The following C10orf67 variants were observed in gnomAD, a reference collection of about 807,000 sequenced individuals.
The protein encoded by C10orf67 is uncharacterized protein C10orf67, mitochondrial.
In C10orf67, 60 loss-of-function variants were observed where a neutral mutation model predicts 35.6. The ratio of observed to expected loss-of-function variants is 1.68; its 90% CI spans 1.37 to 2.09. The LOEUF (loss-of-function observed/expected upper bound fraction) is 2.09, where lower values mean the gene tolerates loss of function less well. Among genes scored for constraint, C10orf67 ranks in the 30% most tolerant of loss-of-function variants. The pLI, the probability that C10orf67 is intolerant of heterozygous loss-of-function variation, is 0.00. For missense variants in C10orf67, 474 were observed against 330.2 expected (o/e 1.44, Z -3.38); for synonymous variants, 167 against 115.8 (o/e 1.44, Z -2.84).
At chr10:23,296,174 T>C (rs1843873994) in intron 5 of C10orf67, among the ~76,000 whole-genome samples, 2 of 151,976 alleles carry the variant, frequency 1.3e-5, no homozygotes, top group South Asian at 2.1e-4. Flanking sequence ...GATATTTCTA[T>C]GTGTACTTTT....
rs569361321 is a variant in C10orf67 at position 23,223,527 on chromosome 10, A to C, written c.1570+71T>G. 1.6e-5 allele frequency: 11 copies of C among 708,696 alleles called. No individual in the cohort carries two copies. In the East Asian group the frequency reaches 2.1e-4, roughly 14 times the overall value. 43.9% of individuals were successfully genotyped at this position (708,696 alleles called of 1,614,324 possible). The stretch of plus-strand genomic sequence containing the variant: ...TACCAAATACCTCAGGGTAAAAAAG[A>C]AAAGCAAAGTTAATCTAGACTAAGT... On this transcript the variant is annotated intron_variant, in intron 15 of 15. Coordinates refer to ENST00000636213, the MANE Select transcript of C10orf67 (RefSeq NM_001371909.1).
At chr10:23,272,201 G>A (rs1843047269) in intron 8 of C10orf67, among the ~76,000 whole-genome samples, 1 of 152,194 alleles carries the variant, frequency 6.6e-6, no homozygotes, top group African/African-American at 2.4e-5. Flanking sequence ...ACAGGCGTGA[G>A]CCACCATGCC....
chr10:23,277,754 T>C (rs1732561511), intron 8 of C10orf67, among the ~76,000 whole-genome samples: 1 of 152,212 alleles, frequency 6.6e-6, no homozygotes, highest in African/African-American at 2.4e-5. Context: ...CTTTCATATA[T>C]GGTAAATATC....
chr10:23,218,332 G>C (rs1189800879), intron 15 of C10orf67, among the ~76,000 whole-genome samples: 1 of 105,438 alleles, frequency 9.5e-6, no homozygotes. Flanking sequence ...TTTTTTTGTA[G>C]AGACGGGGCT....
intron 13 of C10orf67, among the ~76,000 whole-genome samples, chr10:23,230,528 C>G (rs549690344): frequency 6.6e-6 from 1 of 152,134 alleles, no homozygotes; most frequent in Admixed American, 6.5e-5. Context: ...ACTTAATCCA[C>G]AAACTGAAAG....
Position 23,242,042 on chromosome 10 carries a change from G to T in C10orf67, c.1347-2226C>A, listed in dbSNP as rs546947304. Among the ~76,000 whole-genome samples the T allele has an allele frequency of 1.8e-4, 28 of 152,056 alleles. No individual in the cohort carries two copies. The South Asian group carries it at 4.4e-3, about 24-fold the overall frequency. On this transcript the variant is annotated intron_variant, in intron 12 of 15. Coordinates refer to ENST00000636213, the MANE Select transcript of C10orf67 (RefSeq NM_001371909.1). ...GCTGGAGTGCAGTGGCACAATCTTG[G>T]CTCACTGCAACTTCCACCTCCTGGG...
intron 8 of C10orf67, among the ~76,000 whole-genome samples, chr10:23,277,982 C>T (rs190599186): frequency 4.6e-5 from 7 of 152,048 alleles, no homozygotes; most frequent in Admixed American, 2.0e-4. Flanking sequence ...GGAGCAGGAG[C>T]GAGAGAGAGA....
chr10:23,311,846 G>A (rs1359901699), intron 4 of C10orf67, among the ~76,000 whole-genome samples: 1 of 152,036 alleles, frequency 6.6e-6, no homozygotes, highest in Non-Finnish European at 1.5e-5. Context: ...CTATATTTTG[G>A]TGCCATCATT....
chr10:23,329,797 C>CAAAAAAAAAAAAAAAAAATAAAAAAAA (rs1845364484), intron 2 of C10orf67, among the ~76,000 whole-genome samples: 1 of 48,092 alleles, frequency 2.1e-5, no homozygotes, highest in Non-Finnish European at 3.5e-5. Flanking sequence ...GAACTTGTCT[C>CAAAAAAAAAAAAAAAAAATAAAAAAAA]AAAAAAAAAA....
At chr10:23,245,276 G>T (rs377394940) in intron 12 of C10orf67, among the ~76,000 whole-genome samples, 200 of 152,184 alleles carry the variant, frequency 1.3e-3, no homozygotes, top group African/African-American at 4.1e-3. Flanking sequence ...ACATAGGAGG[G>T]AAAGCTTTTT....
At chr10:23,214,853 T>C (rs973363767) in intron 15 of C10orf67, among the ~76,000 whole-genome samples, 12 of 152,092 alleles carry the variant, frequency 7.9e-5, no homozygotes, top group African/African-American at 2.9e-4. Flanking sequence ...CAAAATCCTG[T>C]CTCTACTAAA....
chr10:23,306,590 G>C (rs963509763), intron 4 of C10orf67, among the ~76,000 whole-genome samples: 1 of 151,978 alleles, frequency 6.6e-6, no homozygotes, highest in Non-Finnish European at 1.5e-5. Context: ...AGGGAAAATG[G>C]GGAGATGTTG....
chr10:23,270,219 C>T (rs1338408963), intron 8 of C10orf67, among the ~76,000 whole-genome samples: 2 of 152,126 alleles, frequency 1.3e-5, no homozygotes, highest in Non-Finnish European at 2.9e-5. Flanking sequence ...CAACCTGACC[C>T]ACAGAGAATG....
intron 13 of C10orf67, among the ~76,000 whole-genome samples, chr10:23,239,131 A>C (rs1015815234): frequency 6.6e-6 from 1 of 152,220 alleles, no homozygotes; most frequent in Non-Finnish European, 1.5e-5. Context: ...GGTTCTCAAC[A>C]AAGTTTGTCT....
At chr10:23,241,883 G>A (rs1842189668) in intron 12 of C10orf67, among the ~76,000 whole-genome samples, 1 of 150,792 alleles carries the variant, frequency 6.6e-6, no homozygotes. Flanking sequence ...AAAATTTAAA[G>A]TACCTAGACA....
At chr10:23,234,589 C>A (rs1432710731) in intron 13 of C10orf67, among the ~76,000 whole-genome samples, 1 of 151,926 alleles carries the variant, frequency 6.6e-6, no homozygotes, top group Non-Finnish European at 1.5e-5. Context: ...GGACTTAACA[C>A]CTGGCTGAAG....
intron 2 of C10orf67, among the ~76,000 whole-genome samples, chr10:23,324,469 C>T (rs550099071): frequency 5.3e-5 from 8 of 152,216 alleles, no homozygotes; most frequent in East Asian, 1.9e-4. Context: ...ATATGGTTTA[C>T]GGGAAACAAT....
At chr10:23,288,169 CAT>C (rs776631964) in intron 7 of C10orf67, among the ~76,000 whole-genome samples, 6 of 152,152 alleles carry the variant, frequency 3.9e-5, no homozygotes, top group Non-Finnish European at 8.8e-5. Context: ...GACATGCACA[CAT>C]ATGTTTACTG....
chr10:23,223,198 T>A (rs182422104), intron 15 of C10orf67, among the ~76,000 whole-genome samples: 67 of 152,214 alleles, frequency 4.4e-4, no homozygotes, highest in African/African-American at 1.6e-3. Flanking sequence ...CTCAATCTCC[T>A]GATTAGCCTG....
Sources: gnomAD v4.1 joint callset for allele counts (sites outside exome capture counted in the v4.1 genomes callset) on GRCh38, gnomAD v4.1.1 for gene constraint, MANE v1.5 for transcripts, NCBI Gene and HGNC (gene_info 2026-07-23, HGNC 2026-07-21) for gene names.